Variants in ZNF644 observed in about 807,000 individuals in gnomAD.
ZNF644 encodes zinc finger protein 644.
Under a neutral mutation model 108.0 loss-of-function variants are expected in ZNF644, and 20 were observed. The ratio of observed to expected loss-of-function variants is 0.19; its 90% CI spans 0.13 to 0.27. ZNF644 has a LOEUF of 0.27. ZNF644 is among the 10% of genes least tolerant of loss of function. The probability of loss-of-function intolerance (pLI) is 1.00; values close to 1 mark genes in which losing one functional copy is unlikely to be tolerated. For missense variants in ZNF644, 1,338 were observed against 1,548.9 expected (o/e 0.86, Z 2.29); for synonymous variants, 542 against 539.1 (o/e 1.01, Z -0.08).
intron 2 of ZNF644, among the ~76,000 whole-genome samples, chr1:90,978,705 C>A (rs945463167): frequency 2.0e-5 from 3 of 152,230 alleles, no homozygotes; most frequent in Admixed American, 6.5e-5. Flanking sequence ...GTACAGCTAG[C>A]AGCCTCTGAG....
chr1:90,935,510 T>A (rs745792350), intron 4 of ZNF644: 11 of 985,880 alleles, frequency 1.1e-5, no homozygotes, highest in Non-Finnish European at 1.3e-5. Flanking sequence ...TGCACACATG[T>A]TCTAAGCTTC....
At chr1:90,964,738 A>G (rs77578534) in intron 2 of ZNF644, among the ~76,000 whole-genome samples, 1,811 of 152,306 alleles carry the variant, frequency 0.012, 38 homozygotes, top group African/African-American at 0.042. Flanking sequence ...CAATCTTTTG[A>G]CAAATTTAAA....
At chr1:90,928,766 T>C (rs922364270) in intron 4 of ZNF644, among the ~76,000 whole-genome samples, 15 of 152,206 alleles carry the variant, frequency 9.9e-5, no homozygotes, top group Admixed American at 5.9e-4. Context: ...GTTCCACTCC[T>C]GACACTTGAA....
Position 90,982,313 on chromosome 1 carries a change from G to T in ZNF644, c.41C>A (p.Ser14Tyr). Residue 14 changes from serine to tyrosine, a missense_variant, in exon 2 of 6, where the codon TCT becomes TAT. Around this residue, in one of 6 missense-constraint regions of ZNF644, gnomAD observed 464 missense variants for 457.9 expected, o/e 1.01. Transcript: ENST00000337393. ...FLQQDVNKTK[S>Y]RLNVLNGLAN... ...AACAAAGCAGTCTTCTACTTACCTA[G>T]ATTTTGTCTTATTAACATCTTGCTG... is the stretch of plus-strand genomic sequence containing the variant. The T allele has an allele frequency of 6.2e-7, 1 of 1,609,308 alleles. No homozygotes were observed. The highest frequency in any genetic ancestry group is 8.5e-7 in the Non-Finnish European group (1 of 1,178,208).
chr1:90,937,605 G>T lies in ZNF644; in HGVS notation c.3568C>A (p.Pro1190Thr). Residue 1190 changes from proline (P) to threonine (T), a missense_variant, in exon 4 of 6, where the codon CCT becomes ACT. By Grantham distance (38) the Pro-to-Thr change is conservative (BLOSUM62 -1). Transcript: ENST00000337393. The stretch of plus-strand genomic sequence containing the variant: ...GCTGTCTGATTATGGATCTTTTGAG[G>T]AGAAATAGCAGAATTCCTTTCTTCT... ...MGEERNSAISPQKIHNQTARK... is the reference protein window; with the variant it reads ...MGEERNSAISTQKIHNQTARK... 6.2e-7 allele frequency: 1 copy of T among 1,613,862 alleles called. No individual in the cohort carries two copies. The highest frequency in any genetic ancestry group is 8.5e-7 in the Non-Finnish European group (1 of 1,179,840).
At chr1:90,997,569 AG>A (rs886200180) in intron 1 of ZNF644, among the ~76,000 whole-genome samples, 2 of 151,376 alleles carry the variant, frequency 1.3e-5, no homozygotes, top group Non-Finnish European at 1.5e-5. Context: ...AAAAAAGGGG[AG>A]GGGGGCGGTT....
intron 1 of ZNF644, among the ~76,000 whole-genome samples, chr1:91,019,022 C>G (rs908023184): frequency 5.3e-5 from 8 of 152,188 alleles, no homozygotes; most frequent in African/African-American, 1.7e-4. Flanking sequence ...AACAGCTTAT[C>G]AACTAACAAA....
At chr1:91,014,260 A>G (rs1272233992) in intron 1 of ZNF644, among the ~76,000 whole-genome samples, 1 of 151,742 alleles carries the variant, frequency 6.6e-6, no homozygotes, top group East Asian at 1.9e-4. Flanking sequence ...TATGCCCCAC[A>G]AATTATCTCT....
intron 2 of ZNF644, among the ~76,000 whole-genome samples, chr1:90,980,368 G>A (rs564967387): frequency 6.6e-6 from 1 of 152,188 alleles, no homozygotes; most frequent in Non-Finnish European, 1.5e-5. Context: ...CTAGGAATAT[G>A]AAACATCATA....
In ZNF644 at chr1:90,916,971, G is replaced by C. The variant is rs1347129553; in HGVS notation, c.3811C>G (p.Arg1271Gly). 6.2e-7 allele frequency: 1 copy of C among 1,614,156 alleles called. No individual in the cohort carries two copies. The highest frequency in any genetic ancestry group is 1.7e-5 in the Admixed American group (1 of 60,022). ...TCTTCCTGAACAGACAAGGGTCCTCGAAAGACTAGGCCACAAAACCTACAG... is the reference window on the plus strand; with the variant it reads ...TCTTCCTGAACAGACAAGGGTCCTCCAAAGACTAGGCCACAAAACCTACAG... ...LRCRFCGLVF[R>G]GPLSVQEDWI... Residue 1271 changes from arginine (R) to glycine (G), a missense_variant, in exon 6 of 6, where the codon CGA becomes GGA. This residue lies in a region of ZNF644 where 34 missense variants were observed against 78.6 expected (regional missense o/e 0.43). Coordinates refer to ENST00000337393, the MANE Select transcript of ZNF644 (RefSeq NM_201269.3).
intron 1 of ZNF644, among the ~76,000 whole-genome samples, chr1:91,008,568 A>AT (rs1659656650): frequency 1.3e-5 from 2 of 152,186 alleles, no homozygotes; most frequent in Admixed American, 6.5e-5. Flanking sequence ...GATAATCAGA[A>AT]AACAGTTGAT....
chr1:90,953,387 G>C lies in ZNF644; in HGVS notation c.45-12078C>G, dbSNP rs138555163. 4.0e-3 allele frequency among the ~76,000 whole-genome samples: 615 copies of C among 151,948 alleles called. 1 individual carries two copies. The highest frequency in any genetic ancestry group is 0.013 in the African/African-American group (542 of 41,424). On this transcript the variant is annotated intron_variant, in intron 2 of 5. Coordinates refer to ENST00000337393, the MANE Select transcript of ZNF644 (RefSeq NM_201269.3). ...GAACACACTGGGGCCTATGGGGTAGGGGGTGAAGGGAGAGCATCAGGAAAA... is the reference window on the plus strand; with the variant it reads ...GAACACACTGGGGCCTATGGGGTAGCGGGTGAAGGGAGAGCATCAGGAAAA...
chr1:90,926,992 T>A (rs1242858041), intron 4 of ZNF644, among the ~76,000 whole-genome samples: 1 of 152,166 alleles, frequency 6.6e-6, no homozygotes, highest in Admixed American at 6.5e-5. Flanking sequence ...CCAACTCAAT[T>A]CCCTTACCTC....
At chr1:90,999,308 C>T (rs1012445607) in intron 1 of ZNF644, among the ~76,000 whole-genome samples, 1 of 152,146 alleles carries the variant, frequency 6.6e-6, no homozygotes, top group African/African-American at 2.4e-5. Flanking sequence ...TCAGGTTACC[C>T]ACAAAGGAAA....
intron 2 of ZNF644, among the ~76,000 whole-genome samples, chr1:90,979,921 TTGAA>T (rs1656378888): frequency 6.6e-6 from 1 of 152,220 alleles, no homozygotes; most frequent in African/African-American, 2.4e-5. Flanking sequence ...TTCAACTGGA[TTGAA>T]TGAAGACTTG....
At chr1:91,014,239 A>G (rs954964744) in intron 1 of ZNF644, among the ~76,000 whole-genome samples, 1 of 152,132 alleles carries the variant, frequency 6.6e-6, no homozygotes, top group Non-Finnish European at 1.5e-5. Flanking sequence ...TGCAATATTA[A>G]CTATAGTTAC....
chr1:90,997,871 C>G (rs1658309099), intron 1 of ZNF644, among the ~76,000 whole-genome samples: 2 of 152,196 alleles, frequency 1.3e-5, no homozygotes, highest in Non-Finnish European at 2.9e-5. Context: ...TTCCAATGGT[C>G]TTAGCAAACG....
At chr1:90,992,362 TAATA>T (rs947984807) in intron 1 of ZNF644, among the ~76,000 whole-genome samples, 6 of 146,392 alleles carry the variant, frequency 4.1e-5, no homozygotes, top group Admixed American at 1.4e-4. Flanking sequence ...GAAGTTAGAA[TAATA>T]AATGTACACC....
chr1:90,950,281 GAAGGGA>G (rs1652961240), intron 2 of ZNF644, among the ~76,000 whole-genome samples: 1 of 34,786 alleles, frequency 2.9e-5, no homozygotes. Flanking sequence ...CATCTCAAGG[GAAGGGA>G]AGGGAAGGGG....
Sources: gnomAD v4.1 joint callset for allele counts (sites outside exome capture counted in the v4.1 genomes callset) on GRCh38, gnomAD v4.1.1 for gene constraint, gnomAD v4.1.1 regional missense constraint, MANE v1.5 for transcripts, NCBI Gene and HGNC (gene_info 2026-07-23, HGNC 2026-07-21) for gene names.